The following CALN1 variants were observed in gnomAD, a reference collection of about 807,000 sequenced individuals.
The protein encoded by CALN1 is calneuron 1.
CALN1 carries 17 observed loss-of-function variants against 30.6 expected under a neutral mutation model. That is an observed-to-expected ratio of 0.56 (90% CI 0.38 to 0.83). The LOEUF (loss-of-function observed/expected upper bound fraction) is 0.83, where lower values mean the gene tolerates loss of function less well. Among genes scored for constraint, CALN1 ranks in the 40% least tolerant of loss-of-function variants. The pLI, the probability that CALN1 is intolerant of heterozygous loss-of-function variation, is 0.00. For synonymous variants in CALN1, 156 were observed against 131.4 expected, an observed-to-expected ratio of 1.19 and a Z score of -1.28; for missense variants, 291 against 354.9, an observed-to-expected ratio of 0.82 and a Z score of 1.45.
the CALN1 span, among the ~76,000 whole-genome samples, chr7:72,497,472 T>C: frequency 1.3e-5 from 2 of 152,126 alleles, no homozygotes; most frequent in African/African-American, 4.8e-5. Flanking sequence ...TGACAAACTT[T>C]AGAGTTAAAA....
In CALN1 at chr7:72,107,136, G is replaced by A. The variant is rs145454006; in HGVS notation, c.245-842C>T. On this transcript the variant is annotated intron_variant, in intron 3 of 6. Coordinates refer to ENST00000395275, the MANE Select transcript of CALN1 (RefSeq NM_031468.4). The stretch of plus-strand genomic sequence containing the variant: ...GATGGTGGTCCCAGCAGAGAATCAT[G>A]TTAACCAAGGACACTTTCTGAGCAA... Among the ~76,000 whole-genome samples the A allele has an allele frequency of 3.3e-3, 501 of 152,280 alleles. 4 individuals are homozygous for A. Among genetic ancestry groups the A allele is most frequent in the African/African-American group, 0.012 (486 of 41,576 alleles).
At chr7:71,887,180 G>A (rs73362166) in intron 5 of CALN1, among the ~76,000 whole-genome samples, 2,214 of 152,240 alleles carry the variant, frequency 0.015, 47 homozygotes, top group African/African-American at 0.048. Flanking sequence ...TTGGCAAGAC[G>A]GATACAGTTC....
At chr7:72,319,189 T>C (rs906544839) in intron 2 of CALN1, among the ~76,000 whole-genome samples, 1 of 152,232 alleles carries the variant, frequency 6.6e-6, no homozygotes, top group Non-Finnish European at 1.5e-5. Context: ...ATATATATTC[T>C]GTATTATTTC....
intron 5 of CALN1, among the ~76,000 whole-genome samples, chr7:72,023,165 T>A (rs750381032): frequency 6.6e-6 from 1 of 152,160 alleles, no homozygotes; most frequent in Non-Finnish European, 1.5e-5. Context: ...ATGTTAGATG[T>A]TTGGAATTTC....
At chr7:72,366,788 T>G (rs919178029) in intron 2 of CALN1, among the ~76,000 whole-genome samples, 1 of 151,672 alleles carries the variant, frequency 6.6e-6, no homozygotes, top group African/African-American at 2.4e-5. Context: ...CTAAATTGCA[T>G]GTATATGACC....
chr7:72,177,168 T>G (rs1384781779), intron 3 of CALN1, among the ~76,000 whole-genome samples: 2 of 152,182 alleles, frequency 1.3e-5, no homozygotes, highest in Non-Finnish European at 2.9e-5. Flanking sequence ...GTGCATTCAT[T>G]CAATGAGCAC....
At chr7:72,444,163 T>C (rs997731250) in intron 1 of CALN1, among the ~76,000 whole-genome samples, 2 of 151,852 alleles carry the variant, frequency 1.3e-5, no homozygotes, top group Non-Finnish European at 2.9e-5. Flanking sequence ...CCTCTTTCCA[T>C]TCAGAGCGGT....
chr7:72,002,696 T>C (rs1016865090), intron 5 of CALN1, among the ~76,000 whole-genome samples: 1 of 152,108 alleles, frequency 6.6e-6, no homozygotes, highest in African/African-American at 2.4e-5. Flanking sequence ...GTGAGATCAG[T>C]AAGGTTACAA....
intron 3 of CALN1, among the ~76,000 whole-genome samples, chr7:72,276,730 A>C (rs1427814472): frequency 6.6e-6 from 1 of 152,096 alleles, no homozygotes; most frequent in African/African-American, 2.4e-5. Flanking sequence ...TCATGGGATG[A>C]AACAGCATGA....
At chr7:72,481,776 C>G in the CALN1 span, among the ~76,000 whole-genome samples, 2 of 152,086 alleles carry the variant, frequency 1.3e-5, no homozygotes, top group Non-Finnish European at 2.9e-5. Context: ...GGAAGCTTTT[C>G]TGTTATTGAT....
At chr7:72,385,432 G>A (rs1195907790) in intron 2 of CALN1, among the ~76,000 whole-genome samples, 1 of 152,056 alleles carries the variant, frequency 6.6e-6, no homozygotes, top group Non-Finnish European at 1.5e-5. Context: ...ATAACAAACT[G>A]TGGTACATCT....
chr7:72,041,392 TTTTA>T (rs1802118367), intron 4 of CALN1, among the ~76,000 whole-genome samples: 1 of 152,060 alleles, frequency 6.6e-6, no homozygotes, highest in Admixed American at 6.6e-5. Context: ...TTTTTATTTT[TTTTA>T]TTTTTGAGAC....
intron 4 of CALN1, among the ~76,000 whole-genome samples, chr7:72,030,269 G>A (rs553446600): frequency 6.6e-6 from 1 of 152,254 alleles, no homozygotes; most frequent in Admixed American, 6.5e-5. Flanking sequence ...GCCCATGGTT[G>A]GAGGAACAAT....
At chr7:71,908,838 G>C (rs1794275624) in intron 5 of CALN1, among the ~76,000 whole-genome samples, 1 of 152,172 alleles carries the variant, frequency 6.6e-6, no homozygotes, top group Non-Finnish European at 1.5e-5. Flanking sequence ...AGTCAACTTG[G>C]TCCATTGATT....
intron 5 of CALN1, among the ~76,000 whole-genome samples, chr7:71,886,754 C>T (rs928120390): frequency 8.3e-6 from 1 of 119,854 alleles, no homozygotes; most frequent in African/African-American, 3.3e-5. Flanking sequence ...GCCTGGACAA[C>T]AAAAGTGAGA....
intron 3 of CALN1, among the ~76,000 whole-genome samples, chr7:72,212,349 CAA>C (rs35123942): frequency 2.0e-4 from 19 of 96,478 alleles, no homozygotes; most frequent in African/African-American, 4.7e-4. Flanking sequence ...CACACCGTCT[CAA>C]AAAAAAAAAA....
At chr7:72,340,870 C>A (rs962898503) in intron 2 of CALN1, among the ~76,000 whole-genome samples, 3 of 152,164 alleles carry the variant, frequency 2.0e-5, no homozygotes, top group Non-Finnish European at 4.4e-5. Context: ...ACCCCTTTCA[C>A]TTGGCTCTCT....
intron 2 of CALN1, among the ~76,000 whole-genome samples, chr7:72,376,861 A>G (rs966098198): frequency 2.0e-5 from 3 of 152,314 alleles, no homozygotes; most frequent in East Asian, 3.9e-4. Context: ...TAATTTTTGT[A>G]TATGTTATGA....
At chr7:72,452,044 T>A (rs1380432011), upstream of CALN1, among the ~76,000 whole-genome samples, 1 of 152,152 alleles carries the variant, frequency 6.6e-6, no homozygotes. Context: ...AACTTCACTT[T>A]GGGAGAATTG....
Sources: gnomAD v4.1 joint callset for allele counts (sites outside exome capture counted in the v4.1 genomes callset) on GRCh38, gnomAD v4.1.1 for gene constraint, MANE v1.5 for transcripts, NCBI Gene and HGNC (gene_info 2026-07-23, HGNC 2026-07-21) for gene names.